Variants in EXT1 observed in about 807,000 individuals in gnomAD.
The protein encoded by EXT1 is exostosin glycosyltransferase 1, also known as exostosin-1.
In EXT1, 20 loss-of-function variants were observed where a neutral mutation model predicts 82.5. The ratio of observed to expected loss-of-function variants is 0.24; its 90% CI spans 0.17 to 0.35. The LOEUF (loss-of-function observed/expected upper bound fraction) is 0.35. EXT1 is among the 10% of genes least tolerant of loss of function. The pLI, the probability that EXT1 is intolerant of heterozygous loss-of-function variation, is 1.00. For missense variants in EXT1, 757 were observed against 936.5 expected (o/e 0.81, Z 2.50); for synonymous variants, 348 against 350.8 (o/e 0.99, Z 0.09).
At chr8:117,893,134 T>C (rs1017348073) in intron 1 of EXT1, among the ~76,000 whole-genome samples, 1 of 152,264 alleles carries the variant, frequency 6.6e-6, no homozygotes, top group African/African-American at 2.4e-5. Flanking sequence ...CAAGAATGGA[T>C]TGATGGATGA....
At chr8:118,067,032 G>A (rs1817001594) in intron 1 of EXT1, among the ~76,000 whole-genome samples, 1 of 152,200 alleles carries the variant, frequency 6.6e-6, no homozygotes, top group Non-Finnish European at 1.5e-5. Context: ...CTGGTAGATT[G>A]TTTGTAACAT....
chr8:117,952,751 A>T (rs1202083522), intron 1 of EXT1, among the ~76,000 whole-genome samples: 1 of 151,768 alleles, frequency 6.6e-6, no homozygotes, highest in African/African-American at 2.4e-5. Flanking sequence ...ACACAGGGAG[A>T]CTGAAAAAAA....
chr8:117,940,348 G>A (rs1472208128), intron 1 of EXT1, among the ~76,000 whole-genome samples: 2 of 152,198 alleles, frequency 1.3e-5, no homozygotes, highest in East Asian at 3.9e-4. Context: ...TAATCTCAAT[G>A]GCTATGGAAT....
At position 117,795,155 on chromosome 8, in the gene EXT1, C is replaced by T. The variant is rs1169230695; in HGVS notation, c.*4557G>A. 1 of 152,182 alleles carries T rather than the reference C, an allele frequency of 6.6e-6. No homozygotes were observed. Among genetic ancestry groups the T allele is most frequent in the Non-Finnish European group, 1.5e-5 (1 of 68,046 alleles). The allele number at this position is 152,182 out of a possible 1,614,324, so 9.4% of individuals were successfully genotyped here. A position where few individuals can be genotyped will look rare whatever the true frequency, so the allele number is the denominator to read the frequency against. ...TAAACAAGGGTGAGACTGTGCTATCCTGAGGGCTCAGCTTTCTCAAGGTTT... is the reference window on the plus strand; with the variant it reads ...TAAACAAGGGTGAGACTGTGCTATCTTGAGGGCTCAGCTTTCTCAAGGTTT... On this transcript the variant is annotated 3_prime_UTR_variant, in exon 11 of 11. Coordinates refer to ENST00000378204, the MANE Select transcript of EXT1 (RefSeq NM_000127.3).
chr8:118,103,953 C>T (rs539478388), intron 1 of EXT1, among the ~76,000 whole-genome samples: 24 of 152,320 alleles, frequency 1.6e-4, no homozygotes, highest in South Asian at 4.1e-4. Flanking sequence ...ACCTGACTCA[C>T]GCTTCACGTA....
Position 117,964,068 on chromosome 8 carries a change from T to C in EXT1, c.963-126867A>G, listed in dbSNP as rs11562681. Among the ~76,000 whole-genome samples the C allele has an allele frequency of 3.5e-3, 538 of 152,330 alleles. 4 individuals carry two copies. Among genetic ancestry groups the C allele is most frequent in the Admixed American group, 0.022 (338 of 15,296 alleles). ...AGTATTAAGTAGAAACCACTGTGCA[T>C]TGCCAAAGAAACTGCTTTGGGGAAT... On this transcript the variant is annotated intron_variant, in intron 1 of 10. Coordinates refer to ENST00000378204, the MANE Select transcript of EXT1 (RefSeq NM_000127.3).
chr8:117,891,445 C>T lies in EXT1; in HGVS notation c.963-54244G>A, dbSNP rs529157153. Among the ~76,000 whole-genome samples, 13 of 152,250 alleles carry T rather than the reference C, an allele frequency of 8.5e-5. 1 individual carries two copies. In the South Asian group the frequency reaches 2.7e-3, roughly 32 times the overall value. ...TACTGTCACTTACCCTGCTCTTGAG[C>T]AGCTGTAATTGACTAATAGGATAAT... On this transcript the variant is annotated intron_variant, in intron 1 of 10. Transcript: ENST00000378204.
intron 1 of EXT1, among the ~76,000 whole-genome samples, chr8:117,931,964 C>T (rs372813247): frequency 5.3e-5 from 8 of 152,050 alleles, no homozygotes; most frequent in African/African-American, 1.7e-4. Context: ...AATGCCCACG[C>T]GGAAAATAAG....
At chr8:118,018,680 A>C (rs1229792512) in intron 1 of EXT1, among the ~76,000 whole-genome samples, 1 of 152,202 alleles carries the variant, frequency 6.6e-6, no homozygotes, top group Non-Finnish European at 1.5e-5. Context: ...CTTCCAGGAA[A>C]TAATAAATTT....
chr8:117,992,980 C>CA (rs1446992901), intron 1 of EXT1, among the ~76,000 whole-genome samples: 1 of 152,140 alleles, frequency 6.6e-6, no homozygotes, highest in Non-Finnish European at 1.5e-5. Flanking sequence ...ACTTCATGTG[C>CA]AAAAAACTCT....
At chr8:117,810,700 C>T (rs1288599809) in intron 8 of EXT1, among the ~76,000 whole-genome samples, 2 of 152,174 alleles carry the variant, frequency 1.3e-5, no homozygotes, top group Non-Finnish European at 2.9e-5. Flanking sequence ...TTTGTTGCAC[C>T]ATGGCGGTGT....
At chr8:118,094,218 G>A (rs1817570263) in intron 1 of EXT1, among the ~76,000 whole-genome samples, 2 of 152,080 alleles carry the variant, frequency 1.3e-5, no homozygotes, top group African/African-American at 4.8e-5. Context: ...TTTGTAATAG[G>A]AGAACGAATT....
At chr8:117,878,479 A>G (rs1331381906) in intron 1 of EXT1, among the ~76,000 whole-genome samples, 1 of 152,232 alleles carries the variant, frequency 6.6e-6, no homozygotes, top group Non-Finnish European at 1.5e-5. Flanking sequence ...CTTGAGATAC[A>G]CCATCAAGAA....
rs17450396 is a variant in EXT1, at chr8:117,805,853, C to A, written c.1884-960G>T. On this transcript the variant is annotated intron_variant, in intron 9 of 10. Coordinates refer to ENST00000378204, the MANE Select transcript of EXT1 (RefSeq NM_000127.3). Reference sequence around the variant, plus strand: ...TACTCCAGTCCCCTGGCTTTAAAGACCAAATATATGCAAACAACTGCCAAA... The same window carrying A: ...TACTCCAGTCCCCTGGCTTTAAAGAACAAATATATGCAAACAACTGCCAAA... Among the ~76,000 whole-genome samples the A allele has an allele frequency of 1.4e-4, 22 of 152,278 alleles. No individual in the cohort carries two copies. In the East Asian group the frequency reaches 4.2e-3, roughly 29 times the overall value.
intron 5 of EXT1, among the ~76,000 whole-genome samples, chr8:117,821,673 C>G (rs533701984): frequency 9.2e-5 from 14 of 152,282 alleles, no homozygotes; most frequent in African/African-American, 3.4e-4. Flanking sequence ...GAGGGTGTTA[C>G]GGAGAACAAC....
intron 1 of EXT1, among the ~76,000 whole-genome samples, chr8:117,962,235 A>T (rs979764702): frequency 1.3e-5 from 2 of 152,046 alleles, no homozygotes; most frequent in African/African-American, 2.4e-5. Flanking sequence ...TATTTGGAAT[A>T]CTCTTCTTTC....
At chr8:118,079,542 G>C (rs1300855141) in intron 1 of EXT1, among the ~76,000 whole-genome samples, 2 of 152,206 alleles carry the variant, frequency 1.3e-5, no homozygotes, top group African/African-American at 4.8e-5. Context: ...CAGCCGGCTG[G>C]TGTTTTTGTA....
Position 117,851,317 on chromosome 8 carries a change from T to C in EXT1, c.963-14116A>G, listed in dbSNP as rs902512276. Among the ~76,000 whole-genome samples the C allele has an allele frequency of 2.7e-5, 4 of 150,202 alleles. No individual in the cohort carries two copies. The South Asian group carries it at 6.3e-4, about 24-fold the overall frequency. ...GAGAAAGGAAAAGAAAGCTTGAAAA[T>C]AGATTTAGAGTCCCATTCTCACCCA... On this transcript the variant is annotated intron_variant, in intron 1 of 10. Coordinates refer to ENST00000378204, the MANE Select transcript of EXT1 (RefSeq NM_000127.3).
At chr8:118,008,250 A>G (rs888771517) in intron 1 of EXT1, among the ~76,000 whole-genome samples, 3 of 150,340 alleles carry the variant, frequency 2.0e-5, no homozygotes, top group African/African-American at 7.5e-5. Context: ...ATTTATGCAT[A>G]TTATACTTTT....
Sources: gnomAD v4.1 joint callset for allele counts (sites outside exome capture counted in the v4.1 genomes callset) on GRCh38, gnomAD v4.1.1 for gene constraint, MANE v1.5 for transcripts, NCBI Gene and HGNC (gene_info 2026-07-23, HGNC 2026-07-21) for gene names.